The following TMEM132D variants were observed in gnomAD, a reference collection of about 807,000 sequenced individuals.
The protein encoded by TMEM132D is transmembrane protein 132D.
TMEM132D carries 21 observed loss-of-function variants against 62.3 expected under a neutral mutation model. That is an observed-to-expected ratio of 0.34 (90% CI 0.24 to 0.49). TMEM132D has a LOEUF of 0.49. Ranked by LOEUF, TMEM132D falls within the 20% of genes least tolerant of loss-of-function variation. TMEM132D has a pLI of 0.99. For synonymous variants in TMEM132D, 621 were observed against 575.6 expected, an observed-to-expected ratio of 1.08 and a Z score of -1.13; for missense variants, 1,346 against 1,402.8, an observed-to-expected ratio of 0.96 and a Z score of 0.65.
At chr12:129,250,417 G>A (rs146972489) in intron 4 of TMEM132D, among the ~76,000 whole-genome samples, 10 of 152,278 alleles carry the variant, frequency 6.6e-5, no homozygotes, top group Non-Finnish European at 1.0e-4. Flanking sequence ...TACCTACAGA[G>A]TAAAACAATT....
In TMEM132D at chr12:129,475,896, G is replaced by C. The variant is rs184410044; in HGVS notation, c.1115+55163C>G. On this transcript the variant is annotated intron_variant, in intron 3 of 8. Coordinates refer to ENST00000422113, the MANE Select transcript of TMEM132D (RefSeq NM_133448.3). ...AATACAATCTGACCTCGATTTAACCGGCAATTGCATTCCTTGACAATTTGA... is the reference window on the plus strand; with the variant it reads ...AATACAATCTGACCTCGATTTAACCCGCAATTGCATTCCTTGACAATTTGA... 1.3e-5 allele frequency among the ~76,000 whole-genome samples: 2 copies of C among 152,166 alleles called. 1 individual carries two copies.
Position 129,638,692 on chromosome 12 carries a change from G to A in TMEM132D, c.968+61118C>T, listed in dbSNP as rs961081090. On this transcript the variant is annotated intron_variant, in intron 2 of 8. Coordinates refer to ENST00000422113, the MANE Select transcript of TMEM132D (RefSeq NM_133448.3). Reference sequence around the variant, plus strand: ...CCATGGAATTCTTTCTGCAGTTTCCGGTATCATCAGTATCTCTTGCTAAAA... The same window carrying A: ...CCATGGAATTCTTTCTGCAGTTTCCAGTATCATCAGTATCTCTTGCTAAAA... Among the ~76,000 whole-genome samples, 2 of 151,426 alleles carry A rather than the reference G, an allele frequency of 1.3e-5. 1 individual carries two copies. Among genetic ancestry groups the A allele is most frequent in the South Asian group, 4.2e-4 (2 of 4,778 alleles).
At chr12:129,237,745 G>C (rs1879822976) in intron 4 of TMEM132D, among the ~76,000 whole-genome samples, 1 of 152,170 alleles carries the variant, frequency 6.6e-6, no homozygotes, top group South Asian at 2.1e-4. Flanking sequence ...TTGGGAGGCT[G>C]AGGCGAGAGG....
chr12:129,408,732 A>G (rs1871873613), intron 3 of TMEM132D, among the ~76,000 whole-genome samples: 2 of 152,154 alleles, frequency 1.3e-5, no homozygotes, highest in South Asian at 4.1e-4. Flanking sequence ...TAATAAAGGT[A>G]TGTATATATC....
chr12:129,779,262 G>A lies in TMEM132D; in HGVS notation c.80-78564C>T, dbSNP rs1871043341. Among the ~76,000 whole-genome samples, 2 of 152,168 alleles carry A rather than the reference G, an allele frequency of 1.3e-5. No individual in the cohort carries two copies. The highest frequency in any genetic ancestry group is 2.9e-5 in the Non-Finnish European group (2 of 68,028). On this transcript the variant is annotated intron_variant, in intron 1 of 8. Transcript: ENST00000422113. The surrounding 1 kb of genome is among the most constrained non-coding windows in gnomAD (Gnocchi z 4.1). ...GCTACAAGCAGTACCAGGAAATGAAGCTTTTATTCCAGCTGGCCATGTGCT... is the reference window on the plus strand; with the variant it reads ...GCTACAAGCAGTACCAGGAAATGAAACTTTTATTCCAGCTGGCCATGTGCT...
intron 1 of TMEM132D, among the ~76,000 whole-genome samples, chr12:129,847,093 C>T (rs1023340988): frequency 2.0e-5 from 3 of 152,176 alleles, no homozygotes; most frequent in African/African-American, 7.2e-5. Context: ...GATTCTTAAT[C>T]CAGCCTGTGC....
At chr12:129,638,104 AG>A (rs1406537775) in intron 2 of TMEM132D, among the ~76,000 whole-genome samples, 1 of 152,228 alleles carries the variant, frequency 6.6e-6, no homozygotes, top group East Asian at 1.9e-4. Context: ...CCGTCCAGCC[AG>A]GGGCTGGAAG....
intron 2 of TMEM132D, among the ~76,000 whole-genome samples, chr12:129,683,640 A>G (rs1880839129): frequency 6.6e-6 from 1 of 152,126 alleles, no homozygotes; most frequent in African/African-American, 2.4e-5. Context: ...GACAGATGAC[A>G]TGTAGGACCC....
chr12:129,885,637 C>T (rs1464377928), intron 1 of TMEM132D, among the ~76,000 whole-genome samples: 2 of 152,224 alleles, frequency 1.3e-5, no homozygotes, highest in African/African-American at 2.4e-5. Context: ...CCTAATAGAA[C>T]ACTTTTTAAA....
At chr12:129,367,546 C>T (rs552960167) in intron 3 of TMEM132D, among the ~76,000 whole-genome samples, 3 of 152,162 alleles carry the variant, frequency 2.0e-5, no homozygotes, top group South Asian at 2.1e-4. Context: ...GTGTGTGTGC[C>T]GGGGGAGCAA....
At chr12:129,360,300 G>A (rs904010051) in intron 3 of TMEM132D, among the ~76,000 whole-genome samples, 2 of 152,188 alleles carry the variant, frequency 1.3e-5, no homozygotes, top group Admixed American at 6.5e-5. Context: ...CCGTAGGTGA[G>A]TTTAACTGTA....
chr12:129,570,354 C>A (rs960950274), intron 2 of TMEM132D, among the ~76,000 whole-genome samples: 1 of 152,234 alleles, frequency 6.6e-6, no homozygotes, highest in Admixed American at 6.5e-5. Flanking sequence ...ACAAGGACAT[C>A]TACCTTCATG....
At chr12:129,140,214 C>CCACACACACACACACACACA (rs58179230) in intron 5 of TMEM132D, among the ~76,000 whole-genome samples, 42 of 148,552 alleles carry the variant, frequency 2.8e-4, no homozygotes, top group African/African-American at 9.9e-4. Flanking sequence ...GGCGCTGTTA[C>CCACACACACACACACACACA]CACACACACA....
At chr12:129,666,410 C>CTG (rs35834912) in intron 2 of TMEM132D, among the ~76,000 whole-genome samples, 1 of 151,984 alleles carries the variant, frequency 6.6e-6, no homozygotes, top group African/African-American at 2.4e-5. Context: ...AAAATAGAAA[C>CTG]TAATGCCTCT....
In TMEM132D at chr12:129,404,683, G is replaced by A. The variant is rs565533771; in HGVS notation, c.1116-66866C>T. 2.0e-5 allele frequency among the ~76,000 whole-genome samples: 3 copies of A among 152,204 alleles called. No individual in the cohort carries two copies. In the South Asian group the frequency reaches 6.2e-4, roughly 32 times the overall value. ...GGGAGAGATGGCAGGGGGCAGGGGG[G>A]TGTAGGGGAGATGCCATACTCTTTT... On this transcript the variant is annotated intron_variant, in intron 3 of 8. Coordinates refer to ENST00000422113, the MANE Select transcript of TMEM132D (RefSeq NM_133448.3).
chr12:129,796,092 T>C (rs1359440208), intron 1 of TMEM132D, among the ~76,000 whole-genome samples: 1 of 152,092 alleles, frequency 6.6e-6, no homozygotes, highest in South Asian at 2.1e-4. Context: ...CCCAGCACTT[T>C]GGGAGGCTGA....
In TMEM132D at chr12:129,708,622, A is replaced by C. The variant is rs1265972777; in HGVS notation, c.80-7924T>G. Among the ~76,000 whole-genome samples, 5 of 91,594 alleles carry C rather than the reference A, an allele frequency of 5.5e-5. No homozygotes were observed. In the South Asian group the frequency reaches 3.7e-3, roughly 69 times the overall value. 60.1% of individuals were successfully genotyped at this position (91,594 alleles called of 152,430 possible). A position where few individuals can be genotyped will look rare whatever the true frequency, so the allele number is the denominator to read the frequency against. ...GTAGAGGCTCAGGTAAAAAAAAAAA[A>C]AAAAAAAAACACACACACACACACA... is the stretch of plus-strand genomic sequence containing the variant. On this transcript the variant is annotated intron_variant, in intron 1 of 8. Transcript: ENST00000422113.
chr12:129,229,044 G>A (rs975990444), intron 4 of TMEM132D, among the ~76,000 whole-genome samples: 12 of 152,146 alleles, frequency 7.9e-5, no homozygotes, highest in African/African-American at 2.7e-4. Context: ...AGGATTCTCC[G>A]GGAGGGTCTG....
At chr12:129,758,926 TTCTTTC>T (rs1870258821) in intron 1 of TMEM132D, among the ~76,000 whole-genome samples, 1 of 151,312 alleles carries the variant, frequency 6.6e-6, no homozygotes, top group Non-Finnish European at 1.5e-5. Flanking sequence ...TTTAATTTCT[TTCTTTC>T]TTTCTTTTTT....
Sources: gnomAD v4.1 joint callset for allele counts (sites outside exome capture counted in the v4.1 genomes callset) on GRCh38, gnomAD v4.1.1 for gene constraint, Gnocchi (gnomAD v3.1) non-coding constraint, MANE v1.5 for transcripts, NCBI Gene and HGNC (gene_info 2026-07-23, HGNC 2026-07-21) for gene names.